Variants in OR51B5 observed in about 807,000 individuals in gnomAD.
OR51B5 encodes the protein olfactory receptor 51B5.
For synonymous variants in OR51B5, 186 were observed against 144.8 expected, an observed-to-expected ratio of 1.28 and a Z score of -2.04; for missense variants, 456 against 374.6, an observed-to-expected ratio of 1.22 and a Z score of -1.79.
At chr11:5,417,599 C>A (rs1485327096) in intron 1 of OR51B5, among the ~76,000 whole-genome samples, 25 of 151,122 alleles carry the variant, frequency 1.7e-4, no homozygotes, top group East Asian at 9.8e-4. Context: ...AAACCCCATC[C>A]AAAAGTGGGC....
intron 1 of OR51B5, among the ~76,000 whole-genome samples, chr11:5,441,691 G>T (rs1181521816): frequency 6.6e-6 from 1 of 152,136 alleles, no homozygotes; most frequent in East Asian, 1.9e-4. Flanking sequence ...CTAATCGTTT[G>T]TGTACCACCA....
intron 1 of OR51B5, among the ~76,000 whole-genome samples, chr11:5,361,248 G>T (rs547395446): frequency 2.0e-5 from 3 of 152,238 alleles, no homozygotes; most frequent in Admixed American, 2.0e-4. Flanking sequence ...TGGAGATGTG[G>T]CTAATTCCCT....
chr11:5,383,957 G>A (rs1849647568), intron 1 of OR51B5: 1 of 152,162 alleles, frequency 6.6e-6, no homozygotes, highest in Non-Finnish European at 1.5e-5. Flanking sequence ...TTTCAGGAGT[G>A]GGTAATTAGG....
chr11:5,464,916 G>A (rs1236109812), intron 1 of OR51B5, among the ~76,000 whole-genome samples: 2 of 152,168 alleles, frequency 1.3e-5, no homozygotes, highest in Non-Finnish European at 2.9e-5. Flanking sequence ...GTGTAAAAGT[G>A]TTCCTATTGG....
At chr11:5,463,547 C>T (rs1031475497) in intron 1 of OR51B5, among the ~76,000 whole-genome samples, 1 of 152,182 alleles carries the variant, frequency 6.6e-6, no homozygotes, top group Admixed American at 6.5e-5. Context: ...ATCTTTTACT[C>T]AATCCCAGTT....
At chr11:5,360,245 T>G (rs1849260262) in intron 1 of OR51B5, among the ~76,000 whole-genome samples, 1 of 151,684 alleles carries the variant, frequency 6.6e-6, no homozygotes, top group Admixed American at 6.6e-5. Flanking sequence ...AATCTACTCA[T>G]CCGACAAAGG....
At chr11:5,346,747 T>TA (rs112934463), upstream of OR51B5, 45,083 of 151,904 alleles carry the variant, frequency 0.3, 7,361 homozygotes, top group Non-Finnish European at 0.38. Flanking sequence ...TTCTTCTCCG[T>TA]ATCTTTCTCT....
intron 1 of OR51B5, among the ~76,000 whole-genome samples, chr11:5,360,840 A>G (rs1049094596): frequency 2.6e-5 from 4 of 151,006 alleles, no homozygotes; most frequent in African/African-American, 7.3e-5. Context: ...TGTCCTTTGT[A>G]GGGACATGGA....
chr11:5,469,031 G>C (rs185032623), intron 1 of OR51B5: 2 of 295,936 alleles, frequency 6.8e-6, no homozygotes, highest in Non-Finnish European at 1.3e-5. Context: ...ATAGCGCAGC[G>C]GGTTACAGAT....
chr11:5,437,450 C>T (rs913961059), intron 1 of OR51B5, among the ~76,000 whole-genome samples: 6 of 152,162 alleles, frequency 3.9e-5, no homozygotes, highest in African/African-American at 1.2e-4. Context: ...CTACACTTCC[C>T]TCCTGAACTC....
chr11:5,466,762 T>C (rs1370827861), intron 1 of OR51B5, among the ~76,000 whole-genome samples: 10 of 152,192 alleles, frequency 6.6e-5, no homozygotes, highest in Admixed American at 6.5e-4. Flanking sequence ...GTCCCTCTGT[T>C]GCTGTTCAAA....
At chr11:5,491,285 T>A (rs958964060) in intron 1 of OR51B5, among the ~76,000 whole-genome samples, 1 of 152,218 alleles carries the variant, frequency 6.6e-6, no homozygotes, top group African/African-American at 2.4e-5. Flanking sequence ...ACGAAGAGTA[T>A]TTTTACCTAG....
At chr11:5,369,887 A>C (rs1206134343) in intron 1 of OR51B5, among the ~76,000 whole-genome samples, 3 of 152,164 alleles carry the variant, frequency 2.0e-5, no homozygotes, top group Non-Finnish European at 4.4e-5. Flanking sequence ...AAAAGTGATG[A>C]CCTCATTGGT....
chr11:5,420,926 G>A (rs1322579722), intron 1 of OR51B5, among the ~76,000 whole-genome samples: 1 of 152,058 alleles, frequency 6.6e-6, no homozygotes, highest in Non-Finnish European at 1.5e-5. Flanking sequence ...CCTTGAAATT[G>A]ATGCACAATA....
At chr11:5,406,474 T>C (rs1441734770) in intron 1 of OR51B5, among the ~76,000 whole-genome samples, 1 of 152,160 alleles carries the variant, frequency 6.6e-6, no homozygotes, top group African/African-American at 2.4e-5. Flanking sequence ...CAGAATCTGA[T>C]GGCTCCCTGG....
chr11:5,354,035 G>A (rs1294197805), intron 1 of OR51B5, among the ~76,000 whole-genome samples: 7 of 152,098 alleles, frequency 4.6e-5, no homozygotes, highest in Admixed American at 4.6e-4. Flanking sequence ...ATATAACATA[G>A]TTCTTATTCC....
intron 1 of OR51B5, among the ~76,000 whole-genome samples, chr11:5,373,035 T>TA (rs1849468649): frequency 6.6e-6 from 1 of 152,206 alleles, no homozygotes; most frequent in African/African-American, 2.4e-5. Flanking sequence ...TACAGTCCAG[T>TA]AATTCTCAAC....
intron 1 of OR51B5, among the ~76,000 whole-genome samples, chr11:5,395,605 T>C (rs1849856848): frequency 6.6e-6 from 1 of 152,140 alleles, no homozygotes; most frequent in Non-Finnish European, 1.5e-5. Context: ...ATCTCAGCAA[T>C]TGCTCCAATT....
At chr11:5,489,515 A>G in intron 1 of OR51B5, 1 of 1,614,028 alleles carries the variant, frequency 6.2e-7, no homozygotes, top group Non-Finnish European at 8.5e-7. Flanking sequence ...TTTGGTCACC[A>G]CGAAGTCCCC....
Sources: allele counts gnomAD v4.1 joint callset (sites outside exome capture counted in the v4.1 genomes callset), GRCh38; gene constraint gnomAD v4.1.1; transcripts MANE v1.5; gene names NCBI Gene and HGNC (gene_info 2026-07-23, HGNC 2026-07-21).